The following MIPEP variants were observed in gnomAD, a reference collection of about 807,000 sequenced individuals.
The protein encoded by MIPEP is mitochondrial intermediate peptidase.
MIPEP carries 79 observed loss-of-function variants against 90.3 expected under a neutral mutation model. The observed-to-expected ratio is 0.87, with a 90% CI of 0.73 to 1.05. MIPEP has a LOEUF of 1.05. Among genes scored for constraint, MIPEP ranks in the 50% least tolerant of loss-of-function variants. The pLI, the probability that MIPEP is intolerant of heterozygous loss-of-function variation, is 0.00. For synonymous variants in MIPEP, 334 were observed against 315.8 expected, an observed-to-expected ratio of 1.06 and a Z score of -0.61; for missense variants, 940 against 905.6, an observed-to-expected ratio of 1.04 and a Z score of -0.49.
chr13:23,879,926 C>A lies in MIPEP; in HGVS notation c.453-572G>T, dbSNP rs529330219. Among the ~76,000 whole-genome samples, 11 of 152,226 alleles carry A rather than the reference C, an allele frequency of 7.2e-5. No homozygotes were observed. In the South Asian group the frequency reaches 2.3e-3, roughly 32 times the overall value. ...TGTGCCATCCAGAGAGCAAAGGGCCCAATGCTGGGCAGTGGTCCCAACCCA... is the reference window on the plus strand; with the variant it reads ...TGTGCCATCCAGAGAGCAAAGGGCCAAATGCTGGGCAGTGGTCCCAACCCA... On this transcript the variant is annotated intron_variant, in intron 3 of 18. Transcript: ENST00000382172.
At chr13:23,853,162 C>T (rs1869881785) in intron 10 of MIPEP, among the ~76,000 whole-genome samples, 1 of 152,058 alleles carries the variant, frequency 6.6e-6, no homozygotes, top group South Asian at 2.1e-4. Context: ...AGAACCATAT[C>T]TTTCTATAAA....
At chr13:23,875,931 T>G (rs1220259347) in intron 4 of MIPEP, among the ~76,000 whole-genome samples, 2 of 152,212 alleles carry the variant, frequency 1.3e-5, no homozygotes, top group Non-Finnish European at 2.9e-5. Flanking sequence ...TGAACAGTTC[T>G]CCATGTCTTT....
chr13:23,858,724 C>T, intron 10 of MIPEP, 136 bp downstream of exon 10: 1 of 709,194 alleles, frequency 1.4e-6, no homozygotes, highest in Non-Finnish European at 2.5e-6. Flanking sequence ...ATGAGTGGAG[C>T]AGACCACGCC....
chr13:23,887,124 T>G (rs141523047), intron 1 of MIPEP, among the ~76,000 whole-genome samples: 2,037 of 152,270 alleles, frequency 0.013, 41 homozygotes, highest in African/African-American at 0.046. Flanking sequence ...GCAATAGATA[T>G]TTTAGAAAAA....
intron 14 of MIPEP, among the ~76,000 whole-genome samples, chr13:23,828,545 T>A (rs1215513508): frequency 6.6e-6 from 1 of 152,124 alleles, no homozygotes; most frequent in Non-Finnish European, 1.5e-5. Flanking sequence ...TAACAAACAA[T>A]CTGAATATAT....
chr13:23,870,557 C>A (rs1159896246), intron 5 of MIPEP, among the ~76,000 whole-genome samples: 2 of 152,094 alleles, frequency 1.3e-5, no homozygotes, highest in African/African-American at 4.8e-5. Context: ...GTAATCCCAG[C>A]ACTTTGGGAG....
chr13:23,732,261 T>A (rs1169737854), intron 18 of MIPEP, among the ~76,000 whole-genome samples: 1 of 152,094 alleles, frequency 6.6e-6, no homozygotes, highest in African/African-American at 2.4e-5. Flanking sequence ...AGTGCTGGGA[T>A]TACAGGCGTG....
At chr13:23,845,037 C>T (rs2137470049) in intron 10 of MIPEP, among the ~76,000 whole-genome samples, 1 of 152,250 alleles carries the variant, frequency 6.6e-6, no homozygotes, top group Non-Finnish European at 1.5e-5. Flanking sequence ...CAGGCATTTC[C>T]TATGCACACT....
chr13:23,856,593 T>C (rs1165559225), intron 10 of MIPEP, among the ~76,000 whole-genome samples: 1 of 152,188 alleles, frequency 6.6e-6, no homozygotes, highest in Non-Finnish European at 1.5e-5. Flanking sequence ...GCCTTGGCAC[T>C]AGTAAACTGT....
chr13:23,770,805 T>C (rs1190232953), intron 16 of MIPEP, among the ~76,000 whole-genome samples: 1 of 152,174 alleles, frequency 6.6e-6, no homozygotes, highest in Non-Finnish European at 1.5e-5. Flanking sequence ...TCTAATGAGT[T>C]TGTATTGTCC....
intron 10 of MIPEP, chr13:23,842,474 A>C (rs533347609): frequency 6.6e-6 from 1 of 152,306 alleles, no homozygotes; most frequent in Non-Finnish European, 1.5e-5. Flanking sequence ...ATTTTTCTTT[A>C]AACAGAATCC....
At chr13:23,760,907 T>C (rs1401705047) in intron 16 of MIPEP, among the ~76,000 whole-genome samples, 1 of 152,202 alleles carries the variant, frequency 6.6e-6, no homozygotes, top group Admixed American at 6.5e-5. Flanking sequence ...CAGGAGTTTA[T>C]TTATTTTTAA....
chr13:23,867,961 G>A (rs981015765), intron 7 of MIPEP, among the ~76,000 whole-genome samples: 35 of 151,172 alleles, frequency 2.3e-4, no homozygotes, highest in Non-Finnish European at 4.4e-5. Context: ...TAAAAATATG[G>A]TACTATTATA....
rs55957747 is a variant in MIPEP at position 23,798,179 on chromosome 13, T to A, written c.1848+7771A>T. ...GCAAATTATTGTACAACTATTTTAA[T>A]TGGGATTTGAAATAGTTTTCTTTAT... On this transcript the variant is annotated intron_variant, in intron 16 of 18. Coordinates refer to ENST00000382172, the MANE Select transcript of MIPEP (RefSeq NM_005932.4). 3.6e-3 allele frequency among the ~76,000 whole-genome samples: 543 copies of A among 152,338 alleles called. 4 individuals are homozygous for A. The highest frequency in any genetic ancestry group is 0.012 in the African/African-American group (508 of 41,586).
Position 23,841,349 on chromosome 13 carries a change from C to T in MIPEP, c.1246G>A (p.Asp416Asn), listed in dbSNP as rs1486713575. The change falls in exon 11 of 19, where the codon GAT (aspartate) becomes AAT (asparagine). Residue 416 changes from aspartate (D) to asparagine (N), a missense_variant. Asp to Asn is a conservative substitution (Grantham distance 23). Coordinates refer to ENST00000382172, the MANE Select transcript of MIPEP (RefSeq NM_005932.4). ...GAGGAGCTCACCAGTTTTCGGACATCTTCGCTCCACACCTCTCCTTTTGCA... is the reference window on the plus strand; with the variant it reads ...GAGGAGCTCACCAGTTTTCGGACATTTTCGCTCCACACCTCTCCTTTTGCA... ...QPAKGEVWSE[D>N]VRKLAVVHES... 1 of 1,611,566 alleles carries T rather than the reference C, an allele frequency of 6.2e-7. No homozygotes were observed. Among genetic ancestry groups the T allele is most frequent in the Non-Finnish European group, 8.5e-7 (1 of 1,179,348 alleles).
chr13:23,847,148 C>A (rs1285561264), intron 10 of MIPEP, among the ~76,000 whole-genome samples: 1 of 152,054 alleles, frequency 6.6e-6, no homozygotes, highest in Non-Finnish European at 1.5e-5. Context: ...ATATCTGTTA[C>A]AAGTTAAAGC....
Position 23,847,469 on chromosome 13 carries a change from A to AT in MIPEP, c.1107-5982_1107-5981insA, listed in dbSNP as rs1242099506. On this transcript the variant is annotated intron_variant, in intron 10 of 18. Transcript: ENST00000382172. ...TTAGGATCTCAAATCCAAGCTAAAA[A>AT]AAAAAAAAAAACCCAAACAGAAAAC... 1.5e-4 allele frequency among the ~76,000 whole-genome samples: 23 copies of AT among 151,626 alleles called. 1 individual carries two copies. Among genetic ancestry groups the AT allele is most frequent in the Admixed American group, 1.5e-3 (23 of 15,212 alleles).
chr13:23,864,053 C>A, intron 8 of MIPEP, 88 bp downstream of exon 8: 1 of 739,614 alleles, frequency 1.4e-6, no homozygotes, highest in Non-Finnish European at 2.2e-6. Context: ...TATTCTAGGT[C>A]ACTTCCTAAT....
chr13:23,825,400 CT>C (rs1172622440), intron 14 of MIPEP, among the ~76,000 whole-genome samples: 5 of 152,168 alleles, frequency 3.3e-5, no homozygotes, highest in African/African-American at 1.2e-4. Context: ...GAAGATAGAA[CT>C]TAAGCAATTT....
Sources: gnomAD v4.1 joint callset for allele counts (sites outside exome capture counted in the v4.1 genomes callset) on GRCh38, gnomAD v4.1.1 for gene constraint, MANE v1.5 for transcripts, NCBI Gene and HGNC (gene_info 2026-07-23, HGNC 2026-07-21) for gene names.